Variants in TTLL6 observed in about 807,000 individuals in gnomAD.
The protein encoded by TTLL6 is tubulin polyglutamylase TTLL6.
TTLL6 carries 75 observed loss-of-function variants against 96.4 expected under a neutral mutation model. The observed-to-expected ratio is 0.78, with a 90% CI of 0.65 to 0.94. TTLL6 has a LOEUF of 0.94. Among genes scored for constraint, TTLL6 ranks in the 40% least tolerant of loss-of-function variants. TTLL6 has a pLI of 0.00. For missense variants in TTLL6, 1,030 were observed against 1,093.0 expected, an observed-to-expected ratio of 0.94 and a Z score of 0.81; for synonymous variants, 411 against 419.4, an observed-to-expected ratio of 0.98 and a Z score of 0.24.
At chr17:48,772,342 A>C (rs936559881) in intron 13 of TTLL6, among the ~76,000 whole-genome samples, 5 of 152,044 alleles carry the variant, frequency 3.3e-5, no homozygotes, top group African/African-American at 1.2e-4. Context: ...ATAATAGATA[A>C]ATAAAAATAA....
At chr17:48,772,745 A>G (rs904128600) in intron 13 of TTLL6, among the ~76,000 whole-genome samples, 1 of 151,924 alleles carries the variant, frequency 6.6e-6, no homozygotes, top group Non-Finnish European at 1.5e-5. Context: ...AAAAAAAAAA[A>G]AATTAAAAGA....
chr17:48,769,480 A>T (rs1185366246), intron 14 of TTLL6, among the ~76,000 whole-genome samples: 1 of 152,228 alleles, frequency 6.6e-6, no homozygotes, highest in African/African-American at 2.4e-5. Flanking sequence ...GCCTCATGTG[A>T]ATGAGAACCA....
intron 1 of TTLL6, among the ~76,000 whole-genome samples, chr17:48,816,167 G>T (rs939505427): frequency 6.6e-6 from 1 of 152,104 alleles, no homozygotes; most frequent in African/African-American, 2.4e-5. Flanking sequence ...TATAAACCAG[G>T]CGTGGTGACT....
intron 13 of TTLL6, among the ~76,000 whole-genome samples, chr17:48,782,552 A>T (rs116385877): frequency 0.02 from 3,003 of 152,196 alleles, 107 homozygotes; most frequent in African/African-American, 0.069. Context: ...ACATGGTCTC[A>T]TTTGTCTATT....
rs1052853727 is a variant in TTLL6, at chr17:48,762,762, C to G, written c.*212G>C. The G allele has an allele frequency of 1.6e-5, 6 of 364,998 alleles. No individual in the cohort carries two copies. The Admixed American group carries it at 1.8e-4, about 11-fold the overall frequency. 22.6% of individuals were successfully genotyped at this position (364,998 alleles called of 1,614,324 possible). ...CCAATCCAACCCCAGAAATCATGGT[C>G]CTGTAGCACTGTAAGCTAACTGGGA... On this transcript the variant is annotated 3_prime_UTR_variant, in exon 16 of 16. Coordinates refer to ENST00000393382, the MANE Select transcript of TTLL6 (RefSeq NM_001130918.3).
chr17:48,773,011 T>C (rs1460849052), intron 13 of TTLL6, among the ~76,000 whole-genome samples: 1 of 151,962 alleles, frequency 6.6e-6, no homozygotes, highest in Non-Finnish European at 1.5e-5. Flanking sequence ...CTCAAAAAAA[T>C]AAATAAAAAG....
At chr17:48,778,433 CA>C (rs1392506545) in intron 13 of TTLL6, among the ~76,000 whole-genome samples, 1 of 151,868 alleles carries the variant, frequency 6.6e-6, no homozygotes, top group Non-Finnish European at 1.5e-5. Flanking sequence ...AGGAAAAAAT[CA>C]AGTAAATTTC....
In TTLL6 at chr17:48,769,676, G is replaced by T; in HGVS notation, c.2410+52C>A. On this transcript the variant is annotated intron_variant, in intron 14 of 15. Transcript: ENST00000393382. ...CCAAAGATTAGGACTGGTTCTATCG[G>T]TCCCTCTCCCCTTTAAGCTCCTGGC... is the stretch of plus-strand genomic sequence containing the variant. 7.0e-6 allele frequency: 11 copies of T among 1,579,042 alleles called. No individual in the cohort carries two copies. In the South Asian group the frequency reaches 1.3e-4, roughly 18 times the overall value.
chr17:48,785,364 C>T (rs2039071267), intron 12 of TTLL6, among the ~76,000 whole-genome samples, 163 bp from the exon 13 acceptor site: 1 of 152,060 alleles, frequency 6.6e-6, no homozygotes, highest in Admixed American at 6.6e-5. Flanking sequence ...ATTCTGGGAC[C>T]CTTAGAGGAC....
chr17:48,774,098 A>AAC lies in TTLL6; in HGVS notation c.2041-4002_2041-4001insGT, dbSNP rs1555563616. Among the ~76,000 whole-genome samples, 104 of 110,326 alleles carry AAC rather than the reference A, an allele frequency of 9.4e-4. 1 individual carries two copies. The highest frequency in any genetic ancestry group is 2.2e-3 in the Admixed American group (21 of 9,666). The allele number at this position is 110,326 out of a possible 152,430, so 72.4% of individuals were successfully genotyped here. On this transcript the variant is annotated intron_variant, in intron 13 of 15. Coordinates refer to ENST00000393382, the MANE Select transcript of TTLL6 (RefSeq NM_001130918.3). ...ACTCCATCTCAAAAAAAACAAAACA[A>AAC]AAAAAAAAAAAAAACAAGAAAAGTA...
intron 2 of TTLL6, 122 bp downstream of exon 2, chr17:48,804,650 G>A: frequency 1.2e-6 from 1 of 812,780 alleles, no homozygotes; most frequent in South Asian, 1.6e-5. Context: ...GTGGTGAGAT[G>A]TTGACAGTCT....
At chr17:48,778,698 G>A (rs986644897) in intron 13 of TTLL6, among the ~76,000 whole-genome samples, 1 of 151,910 alleles carries the variant, frequency 6.6e-6, no homozygotes, top group East Asian at 1.9e-4. Flanking sequence ...TTGGGAGGCT[G>A]AGGCGGGCTG....
intron 13 of TTLL6, among the ~76,000 whole-genome samples, 195 bp downstream of exon 13, chr17:48,784,728 G>A (rs958706428): frequency 7.9e-5 from 12 of 152,248 alleles, no homozygotes; most frequent in East Asian, 7.7e-4. Flanking sequence ...AAGAGGGGAC[G>A]CACAAGAGCA....
At chr17:48,774,079 T>C (rs547211448) in intron 13 of TTLL6, among the ~76,000 whole-genome samples, 2 of 56,680 alleles carry the variant, frequency 3.5e-5, no homozygotes, top group Admixed American at 2.7e-4. Context: ...CAAAACTCCA[T>C]CTCAAAAAAA....
At chr17:48,765,216 A>C (rs2038577091) in intron 15 of TTLL6, among the ~76,000 whole-genome samples, 1 of 152,120 alleles carries the variant, frequency 6.6e-6, no homozygotes, top group South Asian at 2.1e-4. Flanking sequence ...GTTCAAGATG[A>C]GCCTGGGCAA....
intron 12 of TTLL6, among the ~76,000 whole-genome samples, 172 bp downstream of exon 12, chr17:48,785,992 C>T (rs1245780391): frequency 3.9e-5 from 6 of 152,182 alleles, no homozygotes; most frequent in East Asian, 1.9e-4. Context: ...TAAAAGATGC[C>T]GGCTCCTGTG....
At chr17:48,803,971 A>T in intron 2 of TTLL6, 43 bp from the exon 3 acceptor site, 3 of 1,545,692 alleles carry the variant, frequency 1.9e-6, no homozygotes, top group Non-Finnish European at 2.6e-6. Context: ...ACAGAGACAC[A>T]CTTGCCAGAA....
chr17:48,801,272 G>A lies in TTLL6; in HGVS notation c.594C>T (p.Thr198=), dbSNP rs373107491. 6.4e-7 allele frequency: 1 copy of A among 1,551,692 alleles called. No individual in the cohort carries two copies. The highest frequency in any genetic ancestry group is 1.4e-5 in the African/African-American group (1 of 73,154). Residue 198 remains threonine, a synonymous_variant, in exon 5 of 16, where the codon ACC becomes ACT. Coordinates refer to ENST00000393382, the MANE Select transcript of TTLL6 (RefSeq NM_001130918.3). The part of the protein sequence containing the change: ...FPKDFRFFPR[T]WCLPADWGDL... ...GCACTCACTCAGCAGGAAGACACCA[G>A]GTCCTAGGGAAAAAGCGGAAATCTT... is the stretch of plus-strand genomic sequence containing the variant.
chr17:48,814,401 T>G (rs772887944), intron 1 of TTLL6, among the ~76,000 whole-genome samples: 20 of 151,358 alleles, frequency 1.3e-4, no homozygotes, highest in Non-Finnish European at 2.2e-4. Context: ...GCATCTTCAG[T>G]TTTTCTTAAT....
Sources: allele counts gnomAD v4.1 joint callset (sites outside exome capture counted in the v4.1 genomes callset), GRCh38; gene constraint gnomAD v4.1.1; transcripts MANE v1.5; gene names NCBI Gene and HGNC (gene_info 2026-07-23, HGNC 2026-07-21).